Variants in ALDH1L1 observed in about 807,000 individuals in gnomAD.
ALDH1L1 encodes the protein cytosolic 10-formyltetrahydrofolate dehydrogenase.
A neutral mutation model predicts 101.1 loss-of-function variants in ALDH1L1; 68 were observed. The observed-to-expected ratio is 0.67, with a 90% CI of 0.55 to 0.82. The LOEUF is 0.82. ALDH1L1 is among the 40% of genes least tolerant of loss of function. The pLI is 0.00. For synonymous variants in ALDH1L1, 486 were observed against 470.8 expected, an observed-to-expected ratio of 1.03 and a Z score of -0.42; for missense variants, 1,087 against 1,172.7, an observed-to-expected ratio of 0.93 and a Z score of 1.07.
At chr3:126,191,650 C>A (rs2081554043) in intron 1 of ALDH1L1, among the ~76,000 whole-genome samples, 1 of 152,212 alleles carries the variant, frequency 6.6e-6, no homozygotes, top group Admixed American at 6.5e-5. Flanking sequence ...TCTCAGAAAA[C>A]CTCTTCACTG....
At chr3:126,155,628 C>A in intron 4 of ALDH1L1, 125 bp from the exon 5 acceptor site, 1 of 693,930 alleles carries the variant, frequency 1.4e-6, no homozygotes, top group Non-Finnish European at 2.3e-6. Context: ...ACAGCAGTCA[C>A]CCAAGAAACA....
chr3:126,188,735 A>G (rs539296683), intron 1 of ALDH1L1, among the ~76,000 whole-genome samples: 2 of 152,210 alleles, frequency 1.3e-5, no homozygotes, highest in Non-Finnish European at 2.9e-5. Flanking sequence ...TTAATGTTTA[A>G]CAGATAGCTG....
intron 1 of ALDH1L1, among the ~76,000 whole-genome samples, chr3:126,187,010 A>G (rs6762969): frequency 0.71 from 107,706 of 152,096 alleles, 39,474 homozygotes; most frequent in African/African-American, 0.92. Context: ...ATCCAGGAAC[A>G]GGCACCCAGG....
At chr3:126,132,649 G>C (rs1227823094) in intron 12 of ALDH1L1, among the ~76,000 whole-genome samples, 1 of 152,114 alleles carries the variant, frequency 6.6e-6, no homozygotes, top group Non-Finnish European at 1.5e-5. Flanking sequence ...TTCAGACACG[G>C]ACTCAATGGG....
chr3:126,149,413 C>A (rs1428115194), intron 8 of ALDH1L1, among the ~76,000 whole-genome samples: 1 of 152,220 alleles, frequency 6.6e-6, no homozygotes, highest in Non-Finnish European at 1.5e-5. Context: ...CAAACGATGA[C>A]CCCAGCTCAT....
At chr3:126,180,730 T>C, upstream of ALDH1L1, 1 of 1,413,568 alleles carries the variant, frequency 7.1e-7, no homozygotes, top group Admixed American at 2.8e-5. Context: ...CGGGCGGGTC[T>C]ATAAATGCCA....
chr3:126,177,419 C>T (rs1345411187), intron 1 of ALDH1L1, among the ~76,000 whole-genome samples: 1 of 152,126 alleles, frequency 6.6e-6, no homozygotes, highest in Non-Finnish European at 1.5e-5. Context: ...ATGGAGGATG[C>T]TTAAATGCAT....
At chr3:126,162,723 T>C (rs2081086708) in intron 1 of ALDH1L1, among the ~76,000 whole-genome samples, 1 of 152,200 alleles carries the variant, frequency 6.6e-6, no homozygotes, top group Non-Finnish European at 1.5e-5. Context: ...ACATTTCCTT[T>C]ATGTTTAGTG....
intron 1 of ALDH1L1, among the ~76,000 whole-genome samples, chr3:126,190,741 A>T (rs2081548326): frequency 6.6e-6 from 1 of 152,240 alleles, no homozygotes; most frequent in South Asian, 2.1e-4. Context: ...TGGTAACAGG[A>T]TGGCAGAAAG....
chr3:126,157,606 T>C, intron 3 of ALDH1L1, 98 bp from the exon 4 acceptor site: 1 of 1,383,552 alleles, frequency 7.2e-7, no homozygotes, highest in Non-Finnish European at 9.9e-7. Flanking sequence ...CAGGAGGCCC[T>C]CTCTTCCCAG....
At chr3:126,105,603 T>C in intron 22 of ALDH1L1, 123 bp downstream of exon 22, 1 of 1,149,752 alleles carries the variant, frequency 8.7e-7, no homozygotes, top group Non-Finnish European at 1.3e-6. Context: ...AAGCGAACCC[T>C]GACAGCCATC....
At chr3:126,158,358 G>A in intron 3 of ALDH1L1, 47 bp downstream of exon 3, 1 of 1,469,854 alleles carries the variant, frequency 6.8e-7, no homozygotes, top group Non-Finnish European at 9.2e-7. Flanking sequence ...CAGGCTGATG[G>A]AGGGACATGT....
intron 9 of ALDH1L1, among the ~76,000 whole-genome samples, chr3:126,145,882 C>A (rs971640187): frequency 2.6e-5 from 4 of 152,176 alleles, no homozygotes; most frequent in African/African-American, 9.7e-5. Flanking sequence ...TACAGAAAAG[C>A]AGTTTTGCTT....
At chr3:126,155,368 G>C in intron 5 of ALDH1L1, 34 bp downstream of exon 5, 2 of 1,585,486 alleles carry the variant, frequency 1.3e-6, no homozygotes, top group Admixed American at 1.7e-5. Flanking sequence ...CTGCTCACAG[G>C]CAGGATGAGG....
chr3:126,189,087 G>A (rs1284006018), intron 1 of ALDH1L1, among the ~76,000 whole-genome samples: 1 of 152,184 alleles, frequency 6.6e-6, no homozygotes. Context: ...AGTTTTGTGG[G>A]CCAGAAGTCC....
chr3:126,156,624 A>G (rs1007269725), intron 4 of ALDH1L1: 3 of 152,312 alleles, frequency 2.0e-5, no homozygotes, highest in African/African-American at 7.2e-5. Context: ...GCTCCGGCCC[A>G]TAGCCTGCCA....
rs1218807550 is a variant in ALDH1L1, at chr3:126,131,546, G to T, written c.1473-12C>A. On this transcript the variant is annotated splice_polypyrimidine_tract_variant and intron_variant, in intron 12 of 22. Transcript: ENST00000393434. Reference sequence around the variant, plus strand: ...TGAGATCTGCCAACCTGACCAGGGTGAGGGGAAGCGGGAGGTGGGCTCAGG... The same window carrying T: ...TGAGATCTGCCAACCTGACCAGGGTTAGGGGAAGCGGGAGGTGGGCTCAGG... The T allele has an allele frequency of 8.1e-6, 13 of 1,597,076 alleles. No homozygotes were observed. In the East Asian group the frequency reaches 2.9e-4, roughly 36 times the overall value.
intron 11 of ALDH1L1, among the ~76,000 whole-genome samples, chr3:126,136,493 C>A (rs2080448239): frequency 6.6e-6 from 1 of 152,080 alleles, no homozygotes; most frequent in South Asian, 2.1e-4. Flanking sequence ...TAATTTCTTC[C>A]TTGGGGTAGG....
chr3:126,161,739 TTAAAG>T (rs746968800), intron 1 of ALDH1L1, among the ~76,000 whole-genome samples: 8 of 152,192 alleles, frequency 5.3e-5, no homozygotes, highest in Non-Finnish European at 8.8e-5. Flanking sequence ...GAAAATTTTA[TTAAAG>T]TAATGTGTAC....
Sources: gnomAD v4.1 joint callset for allele counts (sites outside exome capture counted in the v4.1 genomes callset) on GRCh38, gnomAD v4.1.1 for gene constraint, MANE v1.5 for transcripts, NCBI Gene and HGNC (gene_info 2026-07-23, HGNC 2026-07-21) for gene names.